PRKG2: variants seen among roughly 807,000 people sequenced by gnomAD.
PRKG2 encodes the protein cGMP-dependent protein kinase 2.
Under a neutral mutation model 97.2 loss-of-function variants are expected in PRKG2, and 33 were observed. The ratio of observed to expected loss-of-function variants is 0.34; its 90% CI spans 0.26 to 0.45. The LOEUF (loss-of-function observed/expected upper bound fraction) is 0.45, where lower values mean the gene tolerates loss of function less well. PRKG2 is among the 20% of genes least tolerant of loss of function. The pLI, the probability that PRKG2 is intolerant of heterozygous loss-of-function variation, is 1.00. For missense variants in PRKG2, 638 were observed against 900.0 expected (o/e 0.71, Z 3.73); for synonymous variants, 330 against 321.8 (o/e 1.03, Z -0.27).
intron 17 of PRKG2, among the ~76,000 whole-genome samples, chr4:81,097,609 CA>C (rs2109952608): frequency 6.6e-6 from 1 of 152,248 alleles, no homozygotes; most frequent in African/African-American, 2.4e-5. Context: ...CAATGTAAGG[CA>C]ATTTATTCTT....
intron 14 of PRKG2, among the ~76,000 whole-genome samples, chr4:81,112,502 C>A (rs891561573): frequency 3.3e-5 from 5 of 152,124 alleles, no homozygotes; most frequent in African/African-American, 1.2e-4. Flanking sequence ...CATTTAAGTT[C>A]TCCTCATAAG....
intron 6 of PRKG2, among the ~76,000 whole-genome samples, 164 bp downstream of exon 6, chr4:81,166,997 C>T (rs1283690266): frequency 6.6e-6 from 1 of 152,108 alleles, no homozygotes; most frequent in Non-Finnish European, 1.5e-5. Context: ...TTCTCCACCC[C>T]TTAACACAGC....
At chr4:81,194,195 T>A (rs1752791911) in intron 2 of PRKG2, among the ~76,000 whole-genome samples, 1 of 152,178 alleles carries the variant, frequency 6.6e-6, no homozygotes, top group Non-Finnish European at 1.5e-5. Context: ...TACCTAGAAC[T>A]GTATTTTGCA....
At chr4:81,094,208 T>C (rs1019867002) in intron 17 of PRKG2, among the ~76,000 whole-genome samples, 2 of 152,186 alleles carry the variant, frequency 1.3e-5, no homozygotes, top group African/African-American at 4.8e-5. Flanking sequence ...ACATGACTGG[T>C]GCCTAGTTTT....
intron 6 of PRKG2, among the ~76,000 whole-genome samples, chr4:81,155,189 A>AAAAAAAAAAAAAAAAAG (rs1334427898): frequency 1.3e-4 from 20 of 148,334 alleles, no homozygotes; most frequent in African/African-American, 4.9e-4. Context: ...AAAAAAAAAA[A>AAAAAAAAAAAAAAAAAG]AAGAAGAATG....
chr4:81,160,945 A>G (rs1749549951), intron 6 of PRKG2, among the ~76,000 whole-genome samples: 2 of 152,132 alleles, frequency 1.3e-5, no homozygotes, highest in South Asian at 4.1e-4. Flanking sequence ...ACTAAGATGG[A>G]TCTCTTAATT....
chr4:81,176,684 G>A (rs2110090190), intron 2 of PRKG2, among the ~76,000 whole-genome samples: 1 of 152,246 alleles, frequency 6.6e-6, no homozygotes, highest in East Asian at 1.9e-4. Context: ...AGCAACTTTG[G>A]AAATTTAAAA....
intron 17 of PRKG2, among the ~76,000 whole-genome samples, chr4:81,093,372 C>T (rs1370414723): frequency 1.4e-5 from 2 of 144,620 alleles, no homozygotes; most frequent in African/African-American, 5.6e-5. Flanking sequence ...CACACACACA[C>T]ACACACACAC....
chr4:81,142,519 C>T (rs544334644), intron 11 of PRKG2, among the ~76,000 whole-genome samples: 10 of 152,082 alleles, frequency 6.6e-5, no homozygotes, highest in Admixed American at 1.3e-4. Flanking sequence ...TCCTTTTGGA[C>T]GTGCTTACTT....
At chr4:81,132,496 A>G (rs111347233) in intron 14 of PRKG2, among the ~76,000 whole-genome samples, 10 of 152,306 alleles carry the variant, frequency 6.6e-5, no homozygotes, top group African/African-American at 2.4e-4. Flanking sequence ...CCTTACCATG[A>G]GGTACAATTT....
intron 2 of PRKG2, chr4:81,193,097 C>T (rs1752685402): frequency 6.6e-6 from 1 of 152,364 alleles, no homozygotes. Flanking sequence ...TTGAATAAGG[C>T]TCAGTGCAAA....
chr4:81,099,928 AAG>A (rs1226705902), intron 17 of PRKG2, among the ~76,000 whole-genome samples: 1 of 152,020 alleles, frequency 6.6e-6, no homozygotes, highest in African/African-American at 2.4e-5. Context: ...AACAGACAAA[AAG>A]AGAGCCAAAT....
intron 17 of PRKG2, among the ~76,000 whole-genome samples, chr4:81,102,183 T>C (rs1419597832): frequency 6.6e-6 from 1 of 152,148 alleles, no homozygotes; most frequent in Non-Finnish European, 1.5e-5. Flanking sequence ...GGGAAGGAAA[T>C]TCAAAATTCT....
chr4:81,128,203 C>A (rs6831718), intron 14 of PRKG2, among the ~76,000 whole-genome samples: 1 of 152,008 alleles, frequency 6.6e-6, no homozygotes, highest in Non-Finnish European at 1.5e-5. Flanking sequence ...GGTGGATAAA[C>A]TTTTTTATGT....
Position 81,171,826 on chromosome 4 carries a change from A to C in PRKG2, c.629-22T>G, listed in dbSNP as rs767182814. 2.6e-6 allele frequency: 4 copies of C among 1,511,206 alleles called. No individual in the cohort carries two copies. In the Admixed American group the frequency reaches 5.8e-5, roughly 22 times the overall value. The allele number at this position is 1,511,206 out of a possible 1,614,324, so 93.6% of individuals were successfully genotyped here. ...CCCTCTATCAAGCAGAATTTTAAAA[A>C]ACACACACACAAATAATCGAAATCC... On this transcript the variant is annotated intron_variant, in intron 3 of 18. Coordinates refer to ENST00000264399, the MANE Select transcript of PRKG2 (RefSeq NM_006259.3).
chr4:81,165,503 T>C (rs1312801970), intron 6 of PRKG2, among the ~76,000 whole-genome samples: 1 of 152,196 alleles, frequency 6.6e-6, no homozygotes, highest in Non-Finnish European at 1.5e-5. Context: ...AGTTGATGGG[T>C]CATTAGTCCA....
intron 2 of PRKG2, among the ~76,000 whole-genome samples, chr4:81,191,231 C>G (rs1752459084): frequency 6.6e-6 from 1 of 152,148 alleles, no homozygotes; most frequent in African/African-American, 2.4e-5. Flanking sequence ...GGCACATATA[C>G]ACCACGGAAT....
intron 2 of PRKG2, among the ~76,000 whole-genome samples, chr4:81,201,525 C>T (rs773859887): frequency 6.6e-6 from 1 of 152,184 alleles, no homozygotes; most frequent in South Asian, 2.1e-4. Flanking sequence ...AATTAAGTTA[C>T]ACCTTCAGAC....
intron 14 of PRKG2, among the ~76,000 whole-genome samples, chr4:81,118,361 G>A (rs776867566): frequency 1.1e-4 from 17 of 152,168 alleles, no homozygotes; most frequent in Non-Finnish European, 1.8e-4. Context: ...ATCAAGAAAC[G>A]TGATTGTTGG....
Sources: allele counts gnomAD v4.1 joint callset (sites outside exome capture counted in the v4.1 genomes callset), GRCh38; gene constraint gnomAD v4.1.1; transcripts MANE v1.5; gene names NCBI Gene and HGNC (gene_info 2026-07-23, HGNC 2026-07-21).